The following PTPRT variants were observed in gnomAD, a reference collection of about 807,000 sequenced individuals.
PTPRT encodes receptor-type tyrosine-protein phosphatase T.
A neutral mutation model predicts 176.8 loss-of-function variants in PTPRT; 56 were observed. The ratio of observed to expected loss-of-function variants is 0.32; its 90% CI spans 0.26 to 0.40. PTPRT has a LOEUF of 0.40. Ranked by LOEUF, PTPRT falls within the 10% of genes least tolerant of loss-of-function variation. The pLI, the probability that PTPRT is intolerant of heterozygous loss-of-function variation, is 1.00. For synonymous variants in PTPRT, 783 were observed against 739.0 expected, an observed-to-expected ratio of 1.06 and a Z score of -0.96; for missense variants, 1,540 against 1,908.2, an observed-to-expected ratio of 0.81 and a Z score of 3.60.
chr20:42,389,414 T>G (rs2058777971), intron 9 of PTPRT, among the ~76,000 whole-genome samples: 1 of 152,232 alleles, frequency 6.6e-6, no homozygotes, highest in Admixed American at 6.5e-5. Context: ...TTTGTATGAT[T>G]ACTGCTATGG....
intron 1 of PTPRT, among the ~76,000 whole-genome samples, chr20:43,077,284 C>T (rs1334879096): frequency 6.6e-6 from 1 of 152,182 alleles, no homozygotes; most frequent in South Asian, 2.1e-4. Context: ...CAAGGCAGGT[C>T]TTATTAGGTC....
chr20:42,794,604 A>G (rs138053098), intron 2 of PTPRT, among the ~76,000 whole-genome samples: 1 of 152,204 alleles, frequency 6.6e-6, no homozygotes, highest in Admixed American at 6.5e-5. Flanking sequence ...GAGCACAACC[A>G]CACAGAAGGC....
intron 9 of PTPRT, among the ~76,000 whole-genome samples, chr20:42,379,022 G>A (rs752945463): frequency 2.0e-5 from 3 of 152,208 alleles, no homozygotes; most frequent in African/African-American, 4.8e-5. Flanking sequence ...CTTCTACCGT[G>A]CCCCCACAGC....
chr20:42,184,123 A>C (rs6093588), intron 16 of PTPRT, among the ~76,000 whole-genome samples: 2 of 151,904 alleles, frequency 1.3e-5, no homozygotes, highest in Non-Finnish European at 2.9e-5. Flanking sequence ...TGTCACAGTC[A>C]TCTCCAGCCA....
At chr20:42,994,984 T>C (rs377107957) in intron 1 of PTPRT, among the ~76,000 whole-genome samples, 15 of 152,282 alleles carry the variant, frequency 9.9e-5, no homozygotes, top group African/African-American at 2.2e-4. Context: ...CTGGTGCCAG[T>C]TGGCCAAGAA....
chr20:42,053,048 C>T, the PTPRT span, among the ~76,000 whole-genome samples: 1 of 152,148 alleles, frequency 6.6e-6, no homozygotes, highest in Non-Finnish European at 1.5e-5. Flanking sequence ...TGTTCCAATA[C>T]ATTATTATTT....
At chr20:42,999,438 T>C (rs997105495) in intron 1 of PTPRT, among the ~76,000 whole-genome samples, 12 of 120,364 alleles carry the variant, frequency 1.0e-4, no homozygotes, top group Admixed American at 3.0e-4. Flanking sequence ...CAAATTATAG[T>C]GGTGGGGGTG....
chr20:42,893,268 C>G (rs192391283), intron 1 of PTPRT, among the ~76,000 whole-genome samples: 3,077 of 152,300 alleles, frequency 0.02, 54 homozygotes, highest in Middle Eastern at 0.051. Flanking sequence ...AAATGCTCAT[C>G]ATCACTGGCC....
chr20:42,605,090 T>C (rs7262668), intron 7 of PTPRT, among the ~76,000 whole-genome samples: 43,103 of 151,880 alleles, frequency 0.28, 9,192 homozygotes, highest in African/African-American at 0.6. Context: ...GAGTGAGGCG[T>C]GACCCAAGCA....
intron 12 of PTPRT, among the ~76,000 whole-genome samples, chr20:42,289,477 C>T (rs2867028): frequency 0.19 from 29,093 of 151,600 alleles, 2,966 homozygotes; most frequent in African/African-American, 0.26. Context: ...GCAAAGGACA[C>T]AAACAGACAT....
intron 11 of PTPRT, among the ~76,000 whole-genome samples, chr20:42,322,920 A>C (rs1221540684): frequency 6.6e-6 from 1 of 152,096 alleles, no homozygotes; most frequent in Admixed American, 6.5e-5. Context: ...CAAGAAAAAA[A>C]CTAACAACCC....
At chr20:42,535,573 T>C (rs982411166) in intron 7 of PTPRT, among the ~76,000 whole-genome samples, 1 of 152,182 alleles carries the variant, frequency 6.6e-6, no homozygotes, top group Non-Finnish European at 1.5e-5. Context: ...CAGCTAGCTA[T>C]CCAAGAACAT....
chr20:42,042,698 T>C, the PTPRT span, among the ~76,000 whole-genome samples: 224 of 152,336 alleles, frequency 1.5e-3, 2 homozygotes, highest in African/African-American at 5.2e-3. Context: ...GCTACTGCCC[T>C]TTTGGGTCAC....
At chr20:42,700,843 G>A (rs1275472220) in intron 6 of PTPRT, among the ~76,000 whole-genome samples, 1 of 152,146 alleles carries the variant, frequency 6.6e-6, no homozygotes, top group Non-Finnish European at 1.5e-5. Flanking sequence ...GGAGCGTAAT[G>A]TTAAAGTAAA....
chr20:42,995,657 C>G (rs1984181895), intron 1 of PTPRT, among the ~76,000 whole-genome samples: 1 of 152,166 alleles, frequency 6.6e-6, no homozygotes, highest in Non-Finnish European at 1.5e-5. Context: ...TCTTCCCACA[C>G]TCTCAGAACA....
At chr20:42,613,989 TG>T (rs759842156) in intron 7 of PTPRT, among the ~76,000 whole-genome samples, 1 of 112,652 alleles carries the variant, frequency 8.9e-6, no homozygotes. Context: ...ATAGACTGGG[TG>T]GGGGGTGGGG....
At chr20:42,756,030 C>A (rs2076826929) in intron 6 of PTPRT, among the ~76,000 whole-genome samples, 1 of 152,150 alleles carries the variant, frequency 6.6e-6, no homozygotes, top group African/African-American at 2.4e-5. Context: ...AGGAATTATT[C>A]ATTTCAAAAG....
chr20:43,013,452 A>G (rs956108049), intron 1 of PTPRT, among the ~76,000 whole-genome samples: 5 of 152,192 alleles, frequency 3.3e-5, no homozygotes, highest in Non-Finnish European at 7.4e-5. Context: ...AAGAGACAGA[A>G]AACAATGAAC....
rs377414415 is a variant in PTPRT, at chr20:42,472,542, T to C, written c.1174A>G (p.Asn392Asp). 6.2e-7 allele frequency: 1 copy of C among 1,613,922 alleles called. No individual in the cohort carries two copies. ...KCADPVHGPQNVEIVDIRARQ... is the reference protein window; with the variant it reads ...KCADPVHGPQDVEIVDIRARQ... The stretch of plus-strand genomic sequence containing the variant: ...GCTCTGATGTCTACGATTTCCACGT[T>C]CTGTGGGCCATGTACCGGATCTGCA... Residue 392 changes from asparagine (N) to aspartate (D), a missense_variant, in exon 8 of 31, where the codon AAC (asparagine) becomes GAC (aspartate). By Grantham distance (23) the Asn-to-Asp change is conservative. This residue lies in a region of PTPRT where 273 missense variants were observed against 432.1 expected (regional missense o/e 0.63). Coordinates refer to ENST00000373187, the MANE Select transcript of PTPRT (RefSeq NM_007050.6).
Sources: allele counts gnomAD v4.1 joint callset (sites outside exome capture counted in the v4.1 genomes callset), GRCh38; gene constraint gnomAD v4.1.1; regional missense constraint gnomAD v4.1.1; transcripts MANE v1.5; gene names NCBI Gene and HGNC (gene_info 2026-07-23, HGNC 2026-07-21).